The following EYS variants were observed in gnomAD, a reference collection of about 807,000 sequenced individuals.
EYS encodes EGF-like photoreceptor maintenance factor, also known as protein eyes shut homolog.
EYS carries 250 observed loss-of-function variants against 282.1 expected under a neutral mutation model. The observed-to-expected ratio is 0.89, with a 90% CI of 0.80 to 0.98. The LOEUF is 0.98. Ranked by LOEUF, EYS falls within the 50% of genes least tolerant of loss-of-function variation. The pLI, the probability that EYS is intolerant of heterozygous loss-of-function variation, is 0.00. For missense variants in EYS, 4,016 were observed against 3,709.0 expected (o/e 1.08, Z -2.15); for synonymous variants, 1,355 against 1,282.9 (o/e 1.06, Z -1.20).
intron 41 of EYS, among the ~76,000 whole-genome samples, chr6:63,748,746 T>C (rs1214412297): frequency 6.6e-6 from 1 of 152,158 alleles, no homozygotes; most frequent in Non-Finnish European, 1.5e-5. Flanking sequence ...TTTATCTATT[T>C]TTCCTAGATT....
intron 5 of EYS, among the ~76,000 whole-genome samples, chr6:65,443,420 A>G (rs1400792589): frequency 2.2e-5 from 3 of 133,520 alleles, no homozygotes; most frequent in Admixed American, 8.1e-5. Context: ...ATAGCCATAT[A>G]TGTACATATA....
chr6:63,884,135 G>A (rs1411734839), intron 35 of EYS, among the ~76,000 whole-genome samples: 1 of 152,168 alleles, frequency 6.6e-6, no homozygotes, highest in Non-Finnish European at 1.5e-5. Context: ...TGGTCATGCA[G>A]TAAATATGAG....
intron 26 of EYS, among the ~76,000 whole-genome samples, chr6:64,489,771 C>A (rs907384324): frequency 6.7e-6 from 1 of 150,266 alleles, no homozygotes; most frequent in African/African-American, 2.4e-5. Context: ...TAACATGAAC[C>A]ATTTGTTTCC....
At chr6:64,366,893 C>T (rs920504232) in intron 29 of EYS, among the ~76,000 whole-genome samples, 3 of 151,892 alleles carry the variant, frequency 2.0e-5, no homozygotes, top group African/African-American at 7.3e-5. Context: ...TTGATTATGA[C>T]AAAGTTTAGA....
chr6:64,993,539 A>G (rs923315086), intron 14 of EYS, among the ~76,000 whole-genome samples: 5 of 135,014 alleles, frequency 3.7e-5, no homozygotes, highest in Non-Finnish European at 7.7e-5. Flanking sequence ...GAACACATGG[A>G]CACAGGAAGG....
At chr6:64,038,893 C>T (rs1418115548) in intron 33 of EYS, among the ~76,000 whole-genome samples, 1 of 152,036 alleles carries the variant, frequency 6.6e-6, no homozygotes, top group Admixed American at 6.5e-5. Context: ...CAACCTCCGC[C>T]TCCTAGGTTC....
At chr6:64,300,126 G>A (rs916089113) in intron 30 of EYS, among the ~76,000 whole-genome samples, 13 of 152,080 alleles carry the variant, frequency 8.5e-5, no homozygotes, top group Non-Finnish European at 1.8e-4. Flanking sequence ...GATCAACAAG[G>A]CAATCAGGTA....
chr6:65,490,751 T>A, intron 4 of EYS, 44 bp from the exon 5 acceptor site: 1 of 981,498 alleles, frequency 1.0e-6, no homozygotes, highest in Non-Finnish European at 1.6e-6. Flanking sequence ...GATATCAATA[T>A]TATAACCATC....
chr6:64,026,147 C>A (rs542582259), intron 33 of EYS, among the ~76,000 whole-genome samples: 1 of 152,144 alleles, frequency 6.6e-6, no homozygotes. Context: ...GGTTCTGGGG[C>A]AGGGGTTGTT....
At chr6:65,410,951 CATTTT>C (rs1437458600) in intron 5 of EYS, among the ~76,000 whole-genome samples, 2 of 151,826 alleles carry the variant, frequency 1.3e-5, no homozygotes, top group Non-Finnish European at 2.9e-5. Context: ...TTTATATTTT[CATTTT>C]ATTTTATTTA....
intron 35 of EYS, among the ~76,000 whole-genome samples, chr6:63,873,165 A>G (rs1260326623): frequency 1.0e-5 from 1 of 96,138 alleles, no homozygotes; most frequent in Non-Finnish European, 2.1e-5. Context: ...CCTACACCCC[A>G]TGACAGGACA....
intron 2 of EYS, among the ~76,000 whole-genome samples, chr6:65,512,492 C>CAAAAA (rs71002313): frequency 8.5e-6 from 1 of 117,818 alleles, no homozygotes; most frequent in Non-Finnish European, 1.8e-5. Flanking sequence ...GACTCTATCT[C>CAAAAA]AAAAAAAAAA....
chr6:64,565,946 C>G (rs1765554184), intron 26 of EYS, among the ~76,000 whole-genome samples: 2 of 145,684 alleles, frequency 1.4e-5, no homozygotes, highest in Non-Finnish European at 3.0e-5. Context: ...AAAAAGAAAT[C>G]ATACAAATTA....
Position 64,626,110 on chromosome 6 carries a change from A to G in EYS, c.3568+11T>C, listed in dbSNP as rs944632874. 6.7e-7 allele frequency: 1 copy of G among 1,493,862 alleles called. No individual in the cohort carries two copies. Among genetic ancestry groups the G allele is most frequent in the African/African-American group, 1.4e-5 (1 of 71,630 alleles). 92.5% of individuals were successfully genotyped at this position (1,493,862 alleles called of 1,614,324 possible). ...TATATGCAGTATGCTTATTATTTTT[A>G]AAATAATTACCTGGTTGGCATTTGC... On this transcript the variant is annotated intron_variant, in intron 23 of 42. Coordinates refer to ENST00000503581, the MANE Select transcript of EYS (RefSeq NM_001142800.2).
chr6:65,566,461 C>A (rs12191952), intron 2 of EYS, among the ~76,000 whole-genome samples: 26,353 of 152,044 alleles, frequency 0.17, 2,838 homozygotes, highest in Middle Eastern at 0.34. Context: ...GGCACTCAAT[C>A]TGTTGAGTTG....
At chr6:64,944,902 T>C (rs999503462) in intron 15 of EYS, among the ~76,000 whole-genome samples, 1 of 152,086 alleles carries the variant, frequency 6.6e-6, no homozygotes, top group Non-Finnish European at 1.5e-5. Flanking sequence ...TATGTGCATG[T>C]CCAGTCATAG....
At chr6:65,620,503 G>A (rs1046867527) in intron 2 of EYS, among the ~76,000 whole-genome samples, 11 of 151,436 alleles carry the variant, frequency 7.3e-5, no homozygotes, top group Non-Finnish European at 1.6e-4. Flanking sequence ...CAAAAAACCA[G>A]CTCCTGGATT....
intron 35 of EYS, among the ~76,000 whole-genome samples, chr6:63,939,095 G>C (rs893900817): frequency 6.6e-6 from 1 of 151,116 alleles, no homozygotes; most frequent in African/African-American, 2.4e-5. Flanking sequence ...CAGTTTTGAA[G>C]AATACTTTTC....
intron 20 of EYS, 58 bp from the exon 21 acceptor site, chr6:64,821,781 A>G: frequency 2.9e-6 from 3 of 1,024,808 alleles, no homozygotes; most frequent in Non-Finnish European, 4.4e-6. Flanking sequence ...GCATAACTTC[A>G]AGGGAGTTTC....
Sources: gnomAD v4.1 joint callset for allele counts (sites outside exome capture counted in the v4.1 genomes callset) on GRCh38, gnomAD v4.1.1 for gene constraint, MANE v1.5 for transcripts, NCBI Gene and HGNC (gene_info 2026-07-23, HGNC 2026-07-21) for gene names.